The following COL21A1 variants were observed in gnomAD, a reference collection of about 807,000 sequenced individuals.
The protein encoded by COL21A1 is collagen type XXI alpha 1 chain.
COL21A1 carries 149 observed loss-of-function variants against 137.9 expected under a neutral mutation model. The ratio of observed to expected loss-of-function variants is 1.08; its 90% CI spans 0.95 to 1.24. The LOEUF (loss-of-function observed/expected upper bound fraction) is 1.24, where lower values mean the gene tolerates loss of function less well. Among genes scored for constraint, COL21A1 ranks in the 50% most tolerant of loss-of-function variants. COL21A1 has a pLI of 0.00. For missense variants in COL21A1, 1,167 were observed against 1,158.4 expected (o/e 1.01, Z -0.11); for synonymous variants, 456 against 391.5 (o/e 1.16, Z -1.95).
At chr6:56,355,840 C>T (rs1562069835) in intron 1 of COL21A1, among the ~76,000 whole-genome samples, 1 of 152,058 alleles carries the variant, frequency 6.6e-6, no homozygotes, top group Non-Finnish European at 1.5e-5. Flanking sequence ...TTCCCTGTAA[C>T]AATATAAAGA....
chr6:56,331,738 T>C (rs1211671644), intron 1 of COL21A1: 3 of 152,050 alleles, frequency 2.0e-5, no homozygotes, highest in Non-Finnish European at 2.9e-5. Context: ...ATTCTTTTTG[T>C]TTAGGACTGC....
rs184422688 is a variant in COL21A1, at chr6:56,258,536, T to C, written c.-38-75880A>G. ...AAGCCTCGGAGTAAGGTCACAGCCT[T>C]ATGACAAGATAAAGATGCTGTCTGC... On this transcript the variant is annotated intron_variant, in intron 1 of 28. Transcript: ENST00000370819. 2.6e-5 allele frequency among the ~76,000 whole-genome samples: 4 copies of C among 152,226 alleles called. No homozygotes were observed. The East Asian group carries it at 7.7e-4, about 29-fold the overall frequency.
intron 17 of COL21A1, among the ~76,000 whole-genome samples, chr6:56,096,829 T>C (rs1372050602): frequency 1.3e-5 from 2 of 152,208 alleles, no homozygotes; most frequent in African/African-American, 2.4e-5. Context: ...ATGCCCTTTA[T>C]AGTAGAGCCA....
At chr6:56,177,650 CCGGG>C (rs1286873707) in intron 3 of COL21A1, among the ~76,000 whole-genome samples, 3 of 151,714 alleles carry the variant, frequency 2.0e-5, no homozygotes, top group Non-Finnish European at 4.4e-5. Context: ...AAAAAATTAG[CCGGG>C]CGTGGTGGGC....
intron 1 of COL21A1, among the ~76,000 whole-genome samples, chr6:56,207,627 T>G (rs949890253): frequency 8.5e-5 from 13 of 152,122 alleles, no homozygotes; most frequent in African/African-American, 2.9e-4. Context: ...CTGATACCAT[T>G]CCTTCTGAAA....
intron 1 of COL21A1, among the ~76,000 whole-genome samples, chr6:56,347,933 C>T (rs1339441299): frequency 6.6e-6 from 1 of 152,124 alleles, no homozygotes; most frequent in African/African-American, 2.4e-5. Context: ...AAAAACATAT[C>T]AATTTAATAT....
intron 1 of COL21A1, among the ~76,000 whole-genome samples, chr6:56,326,488 A>T (rs1486902589): frequency 6.6e-6 from 1 of 151,896 alleles, no homozygotes; most frequent in Non-Finnish European, 1.5e-5. Flanking sequence ...ACCTAAAATT[A>T]TCTTCTTTCC....
At chr6:56,146,096 T>C (rs1774814599) in intron 10 of COL21A1, among the ~76,000 whole-genome samples, 1 of 152,174 alleles carries the variant, frequency 6.6e-6, no homozygotes, top group African/African-American at 2.4e-5. Flanking sequence ...ATACACATTT[T>C]TGCAAAGTAG....
intron 17 of COL21A1, among the ~76,000 whole-genome samples, chr6:56,084,212 G>GA (rs754144759): frequency 2.1e-4 from 31 of 148,852 alleles, no homozygotes; most frequent in African/African-American, 2.7e-4. Flanking sequence ...TAAGTATGCA[G>GA]AAAAAATATA....
intron 1 of COL21A1, among the ~76,000 whole-genome samples, chr6:56,193,947 G>A (rs1032858444): frequency 6.6e-6 from 1 of 152,022 alleles, no homozygotes; most frequent in Non-Finnish European, 1.5e-5. Context: ...TAGAGACTGG[G>A]TTTCACCATA....
At chr6:56,235,290 C>G (rs948542491) in intron 1 of COL21A1, among the ~76,000 whole-genome samples, 2 of 151,862 alleles carry the variant, frequency 1.3e-5, no homozygotes, top group African/African-American at 4.8e-5. Context: ...CAATTGTGAA[C>G]CAGGCCTATA....
chr6:56,101,555 G>A (rs1311782574), intron 16 of COL21A1, 30 bp from the exon 17 acceptor site: 2 of 1,539,306 alleles, frequency 1.3e-6, no homozygotes, highest in Non-Finnish European at 1.8e-6. Flanking sequence ...AAGAAATAGA[G>A]AATTCAGTTT....
intron 16 of COL21A1, among the ~76,000 whole-genome samples, chr6:56,112,795 C>G (rs1771568652): frequency 6.6e-6 from 1 of 151,484 alleles, no homozygotes; most frequent in Non-Finnish European, 1.5e-5. Flanking sequence ...ACCGATTCTC[C>G]TGCCTCAGCC....
intron 10 of COL21A1, among the ~76,000 whole-genome samples, chr6:56,150,661 T>G (rs1775251330): frequency 6.6e-6 from 1 of 152,106 alleles, no homozygotes; most frequent in Admixed American, 6.5e-5. Flanking sequence ...TCCAACTCAC[T>G]TCCTGAGCCC....
chr6:56,153,317 A>G (rs1264829670), intron 10 of COL21A1, among the ~76,000 whole-genome samples: 3 of 152,046 alleles, frequency 2.0e-5, no homozygotes, highest in Non-Finnish European at 4.4e-5. Flanking sequence ...TTAATTGCCC[A>G]CACTCTCCAT....
At chr6:56,368,960 CTCTA>C (rs1445494563) in intron 1 of COL21A1, among the ~76,000 whole-genome samples, 1 of 152,164 alleles carries the variant, frequency 6.6e-6, no homozygotes, top group African/African-American at 2.4e-5. Context: ...ACTGCTGAGA[CTCTA>C]TCTGTAGAAT....
chr6:56,140,786 C>T (rs1031592125), intron 12 of COL21A1, among the ~76,000 whole-genome samples: 14 of 152,132 alleles, frequency 9.2e-5, no homozygotes, highest in Admixed American at 5.2e-4. Context: ...TTAACCCCAA[C>T]AATGAACTTC....
At chr6:56,323,081 A>G (rs1764913162) in intron 1 of COL21A1, among the ~76,000 whole-genome samples, 1 of 152,098 alleles carries the variant, frequency 6.6e-6, no homozygotes. Flanking sequence ...AATGTACACT[A>G]TTTGCGTGAT....
chr6:56,097,568 G>A (rs2114235151), intron 17 of COL21A1, among the ~76,000 whole-genome samples: 1 of 150,866 alleles, frequency 6.6e-6, no homozygotes, highest in Admixed American at 6.7e-5. Flanking sequence ...AATCTAAAGG[G>A]CCACACTCCC....
Sources: gnomAD v4.1 joint callset for allele counts (sites outside exome capture counted in the v4.1 genomes callset) on GRCh38, gnomAD v4.1.1 for gene constraint, MANE v1.5 for transcripts, NCBI Gene and HGNC (gene_info 2026-07-23, HGNC 2026-07-21) for gene names.